The following NEMF variants were observed in gnomAD, a reference collection of about 807,000 sequenced individuals.
NEMF encodes the protein nuclear export mediator factor, also known as ribosome quality control complex subunit NEMF.
Under a neutral mutation model 162.2 loss-of-function variants are expected in NEMF, and 89 were observed. That is an observed-to-expected ratio of 0.55 (90% CI 0.46 to 0.65). The LOEUF (loss-of-function observed/expected upper bound fraction) is 0.65, where lower values mean the gene tolerates loss of function less well. Among genes scored for constraint, NEMF ranks in the 30% least tolerant of loss-of-function variants. The probability of loss-of-function intolerance (pLI) is 0.00; values close to 1 mark genes in which losing one functional copy is unlikely to be tolerated. For synonymous variants in NEMF, 421 were observed against 404.5 expected (o/e 1.04, Z -0.49); for missense variants, 1,133 against 1,261.9 (o/e 0.90, Z 1.55).
At chr14:49,798,989 G>A (rs1398325899) in intron 25 of NEMF, among the ~76,000 whole-genome samples, 1 of 151,910 alleles carries the variant, frequency 6.6e-6, no homozygotes, top group Non-Finnish European at 1.5e-5. Flanking sequence ...CAAGGTGGGA[G>A]GATCACTTGA....
At chr14:49,847,706 CTTTTTTTT>C (rs79188374) in intron 3 of NEMF, among the ~76,000 whole-genome samples, 42 of 138,052 alleles carry the variant, frequency 3.0e-4, no homozygotes, top group African/African-American at 1.0e-3. Flanking sequence ...CCTACCAATT[CTTTTTTTT>C]TTTTTTTTTT....
At chr14:49,805,277 T>C (rs1055499827) in intron 19 of NEMF, among the ~76,000 whole-genome samples, 2 of 152,154 alleles carry the variant, frequency 1.3e-5, no homozygotes, top group African/African-American at 4.8e-5. Flanking sequence ...TAGGAACTTA[T>C]AAAAGTACAT....
intron 4 of NEMF, 51 bp from the exon 5 acceptor site, chr14:49,840,917 C>T: frequency 1.3e-6 from 2 of 1,540,338 alleles, no homozygotes; most frequent in East Asian, 2.3e-5. Context: ...ATTTTTGAGG[C>T]CAGGCACAGT....
At chr14:49,789,775 A>AGAT (rs1217259692) in intron 26 of NEMF, among the ~76,000 whole-genome samples, 1 of 152,266 alleles carries the variant, frequency 6.6e-6, no homozygotes, top group Non-Finnish European at 1.5e-5. Flanking sequence ...GGTGGAGAGA[A>AGAT]GATACACAGA....
chr14:49,819,009 A>G (rs965421866), intron 16 of NEMF, among the ~76,000 whole-genome samples: 11 of 152,202 alleles, frequency 7.2e-5, no homozygotes, highest in Non-Finnish European at 1.3e-4. Context: ...AAGGAGCACC[A>G]GACACTAATA....
chr14:49,847,431 T>A (rs1893558946), intron 3 of NEMF, among the ~76,000 whole-genome samples: 1 of 151,326 alleles, frequency 6.6e-6, no homozygotes, highest in East Asian at 2.0e-4. Context: ...CTCGAACTCC[T>A]GAGCTCAGGC....
chr14:49,834,379 T>C lies in NEMF; in HGVS notation c.645A>G (p.Glu215=), dbSNP rs749039738. 1.2e-6 allele frequency: 2 copies of C among 1,603,916 alleles called. No homozygotes were observed. The highest frequency in any genetic ancestry group is 1.7e-6 in the Non-Finnish European group (2 of 1,170,674). ...NGFSGNVKVD[E]KLETKDIEKV... ...CAGACATACCTTTAGTTTCAAGTTT[T>C]TCATCCACTTTGACATTACCCGAGA... is the stretch of plus-strand genomic sequence containing the variant. Residue 215 remains glutamate, a synonymous_variant, in exon 7 of 33, where the codon GAA becomes GAG. Coordinates refer to ENST00000298310, the MANE Select transcript of NEMF (RefSeq NM_004713.6).
chr14:49,834,760 G>T, intron 6 of NEMF, among the ~76,000 whole-genome samples: 1 of 152,202 alleles, frequency 6.6e-6, no homozygotes, highest in Non-Finnish European at 1.5e-5. Context: ...TCAGATTACA[G>T]GTGTGGGCCA....
chr14:49,828,274 TAAGA>T lies in NEMF; in HGVS notation c.1488+13_1488+16del, dbSNP rs770044223. ...AGGCACAAACAACTAACATTCACTC[TAAGA>T]AATACTCAGTACCTTCTCAGCAGCT... On this transcript the variant is annotated intron_variant, in intron 15 of 32. Transcript: ENST00000298310. 2.6e-6 allele frequency: 4 copies of T among 1,564,042 alleles called. No individual in the cohort carries two copies. Among genetic ancestry groups the T allele is most frequent in the Non-Finnish European group, 3.5e-6 (4 of 1,135,188 alleles).
At chr14:49,819,114 A>C (rs1891865377) in intron 16 of NEMF, among the ~76,000 whole-genome samples, 1 of 152,186 alleles carries the variant, frequency 6.6e-6, no homozygotes, top group Non-Finnish European at 1.5e-5. Flanking sequence ...TGTCTCCAAA[A>C]GAAAAAAAGA....
chr14:49,788,548 TTC>T (rs200976130), intron 28 of NEMF, among the ~76,000 whole-genome samples: 23,827 of 131,926 alleles, frequency 0.18, 2,633 homozygotes, highest in Non-Finnish European at 0.21. Context: ...AATCCCAATT[TTC>T]TCTCTCTCTT....
intron 11 of NEMF, among the ~76,000 whole-genome samples, chr14:49,830,458 G>A (rs1892579774): frequency 6.6e-6 from 1 of 152,132 alleles, no homozygotes; most frequent in Non-Finnish European, 1.5e-5. Flanking sequence ...CAGTGGCACA[G>A]TCTCAGCTCA....
At chr14:49,812,727 G>T (rs1440113088) in intron 18 of NEMF, among the ~76,000 whole-genome samples, 1 of 150,900 alleles carries the variant, frequency 6.6e-6, no homozygotes, top group African/African-American at 2.4e-5. Flanking sequence ...TCTACTCCTG[G>T]TTTCTAATTT....
intron 6 of NEMF, 117 bp downstream of exon 6, chr14:49,838,022 A>T: frequency 3.0e-6 from 2 of 676,978 alleles, no homozygotes; most frequent in Non-Finnish European, 5.0e-6. Flanking sequence ...ATAAACTCCT[A>T]CTTACTCCAA....
intron 15 of NEMF, 72 bp downstream of exon 15, chr14:49,828,217 CAG>C: frequency 9.8e-7 from 1 of 1,024,882 alleles, no homozygotes; most frequent in Non-Finnish European, 1.5e-6. Flanking sequence ...CTCATTTAAA[CAG>C]AAGAAATAAT....
intron 18 of NEMF, among the ~76,000 whole-genome samples, chr14:49,813,738 G>A (rs1188332981): frequency 1.3e-5 from 2 of 150,784 alleles, no homozygotes; most frequent in Non-Finnish European, 2.9e-5. Flanking sequence ...TCTGTAGCTG[G>A]GACTACAGGT....
Position 49,783,079 on chromosome 14 carries a change from T to A in NEMF, c.*1557A>T. On this transcript the variant is annotated 3_prime_UTR_variant, in exon 33 of 33. Transcript: ENST00000298310. ...GCACCTGTTGGTTTTAATGTGCATG[T>A]GAATGGCCTAGAGAACCTATTTTTG... 1.1e-6 allele frequency: 1 copy of A among 938,750 alleles called. No homozygotes were observed. Among genetic ancestry groups the A allele is most frequent in the Non-Finnish European group, 1.6e-6 (1 of 643,870 alleles). 58.2% of individuals were successfully genotyped at this position (938,750 alleles called of 1,614,324 possible).
chr14:49,806,256 A>ATTTTTTTTTTT (rs71118803), intron 18 of NEMF, 123 bp from the exon 19 acceptor site: 1 of 38,552 alleles, frequency 2.6e-5, no homozygotes, highest in African/African-American at 1.2e-4. Flanking sequence ...ATATATATAT[A>ATTTTTTTTTTT]TTTTTTTTTT....
chr14:49,830,887 G>A (rs1419178931), intron 11 of NEMF, among the ~76,000 whole-genome samples: 1 of 152,078 alleles, frequency 6.6e-6, no homozygotes, highest in Non-Finnish European at 1.5e-5. Flanking sequence ...TTAAGACTTG[G>A]CTTTAAAGTC....
Sources: allele counts gnomAD v4.1 joint callset (sites outside exome capture counted in the v4.1 genomes callset), GRCh38; gene constraint gnomAD v4.1.1; transcripts MANE v1.5; gene names NCBI Gene and HGNC (gene_info 2026-07-23, HGNC 2026-07-21).